Variants in WDR33 observed in about 807,000 individuals in gnomAD.
The protein encoded by WDR33 is pre-mRNA 3' end processing protein WDR33.
A neutral mutation model predicts 164.9 loss-of-function variants in WDR33; 47 were observed. The ratio of observed to expected loss-of-function variants is 0.29; its 90% CI spans 0.23 to 0.36. WDR33 has a LOEUF of 0.36. Ranked by LOEUF, WDR33 falls within the 10% of genes least tolerant of loss-of-function variation. WDR33 has a pLI of 1.00. For missense variants in WDR33, 1,137 were observed against 1,754.1 expected (o/e 0.65, Z 6.28); for synonymous variants, 505 against 589.0 (o/e 0.86, Z 2.06).
At chr2:127,810,386 A>G (rs1216409259) in intron 1 of WDR33, among the ~76,000 whole-genome samples, 1 of 152,228 alleles carries the variant, frequency 6.6e-6, no homozygotes, top group African/African-American at 2.4e-5. Flanking sequence ...GTTACAACCA[A>G]GTACAAACAT....
chr2:127,736,478 A>C (rs1686846568), intron 7 of WDR33: 1 of 985,466 alleles, frequency 1.0e-6, no homozygotes, highest in Non-Finnish European at 1.2e-6. Flanking sequence ...ACCAATACAC[A>C]AACATAAAAA....
intron 7 of WDR33, among the ~76,000 whole-genome samples, chr2:127,750,650 T>TAAAAA (rs1174539929): frequency 1.3e-4 from 2 of 14,962 alleles, no homozygotes; most frequent in Non-Finnish European, 2.3e-4. Flanking sequence ...AACTCCATCT[T>TAAAAA]AAAAAAAAAA....
At chr2:127,777,980 G>A (rs1688240086) in intron 1 of WDR33, among the ~76,000 whole-genome samples, 1 of 152,124 alleles carries the variant, frequency 6.6e-6, no homozygotes, top group Non-Finnish European at 1.5e-5. Flanking sequence ...TGATGATACT[G>A]AAATTATAGC....
rs762508503 is a variant in WDR33 at position 127,719,654 on chromosome 2, G to A, written c.2371C>T (p.Arg791Trp). 9 of 1,613,042 alleles carry A rather than the reference G, an allele frequency of 5.6e-6. No homozygotes were observed. The highest frequency in any genetic ancestry group is 5.0e-5 in the Admixed American group (3 of 59,870). ...PRGMQGPPGP[R>W]ENQGPAPQGM... ...TGGGGAGCAGGACCCTGGTTCTCCC[G>A]GGGGCCTGGAGGCCCCTGCATTCCT... The change falls in exon 16 of 22, where the codon CGG becomes TGG. Residue 791 changes from arginine to tryptophan, a missense_variant. Coordinates refer to ENST00000322313, the MANE Select transcript of WDR33 (RefSeq NM_018383.5). The surrounding 1 kb of genome is among the most constrained non-coding windows in gnomAD (Gnocchi z 6.5).
chr2:127,781,891 G>C (rs1159071094), intron 1 of WDR33, among the ~76,000 whole-genome samples: 1 of 151,640 alleles, frequency 6.6e-6, no homozygotes, highest in Non-Finnish European at 1.5e-5. Context: ...TCAGCTACTC[G>C]GGAGGCTGAG....
intron 7 of WDR33, among the ~76,000 whole-genome samples, chr2:127,744,916 T>C (rs1687122771): frequency 6.6e-6 from 1 of 152,204 alleles, no homozygotes. Flanking sequence ...CCTTTCACCA[T>C]GCATGACTGA....
Position 127,717,158 on chromosome 2 carries a change from T to C in WDR33, c.2866A>G (p.Lys956Glu). Residue 956 changes from lysine (K) to glutamate (E), a missense_variant, in exon 17 of 22, where the codon AAA (lysine) becomes GAA (glutamate). Physicochemically the swap from Lys to Glu is moderately conservative, Grantham distance 56. This residue lies in a region of WDR33 where 867 missense variants were observed against 1,073.0 expected (regional missense o/e 0.81). Coordinates refer to ENST00000322313, the MANE Select transcript of WDR33 (RefSeq NM_018383.5). This position sits in a 1 kb window ranked among gnomAD's most constrained non-coding sequence, Gnocchi z 5.6. ...LNPGQGPGPN[K>E]GDSRGPPNHH... ...ATTCAGCTGAGCAGATATTTACCTT[T>C]GTTGGGGCCAGGTCCTTGTCCGGGG... The C allele has an allele frequency of 6.2e-7, 1 of 1,601,578 alleles. No individual in the cohort carries two copies. Among genetic ancestry groups the C allele is most frequent in the Non-Finnish European group, 8.5e-7 (1 of 1,173,028 alleles).
rs1012276254 is a variant in WDR33, at chr2:127,710,817, A to T, written c.3309-961T>A. On this transcript the variant is annotated intron_variant, in intron 18 of 21. Transcript: ENST00000322313. The surrounding 1 kb of genome is among the most constrained non-coding windows in gnomAD (Gnocchi z 4.4). Reference sequence around the variant, plus strand: ...TTTCCATTCCATTGCCTTTATCCTAATCTTCTACTTGGAAGATTTTCAAAC... The same window carrying T: ...TTTCCATTCCATTGCCTTTATCCTATTCTTCTACTTGGAAGATTTTCAAAC... 6.6e-6 allele frequency among the ~76,000 whole-genome samples: 1 copy of T among 152,102 alleles called. No individual in the cohort carries two copies. Among genetic ancestry groups the T allele is most frequent in the East Asian group, 1.9e-4 (1 of 5,188 alleles).
rs1272933466 is a variant in WDR33 at position 127,726,388 on chromosome 2, C to T, written c.851+263G>A. On this transcript the variant is annotated intron_variant, in intron 8 of 21. Coordinates refer to ENST00000322313, the MANE Select transcript of WDR33 (RefSeq NM_018383.5). The surrounding 1 kb of genome is among the most constrained non-coding windows in gnomAD (Gnocchi z 4.8). ...AGGCAATAGGCTAGAATAGTAACCA[C>T]CTCCCTCCTCATCCTCCTCCCCACC... is the stretch of plus-strand genomic sequence containing the variant. 2.0e-5 allele frequency among the ~76,000 whole-genome samples: 3 copies of T among 152,122 alleles called. No homozygotes were observed. The highest frequency in any genetic ancestry group is 1.5e-5 in the Non-Finnish European group (1 of 68,020).
chr2:127,808,723 C>T (rs1689523223), intron 1 of WDR33, among the ~76,000 whole-genome samples: 1 of 151,490 alleles, frequency 6.6e-6, no homozygotes. Context: ...GGTGAAACCC[C>T]GCCTCTACTA....
intron 1 of WDR33, among the ~76,000 whole-genome samples, chr2:127,801,178 G>C (rs775773967): frequency 9.9e-5 from 15 of 152,012 alleles, no homozygotes; most frequent in Non-Finnish European, 1.6e-4. Context: ...CAGCCGCTCG[G>C]GAGGCTAAGG....
At chr2:127,755,330 C>T (rs765896349) in intron 7 of WDR33, among the ~76,000 whole-genome samples, 19 of 152,148 alleles carry the variant, frequency 1.2e-4, no homozygotes, top group Non-Finnish European at 2.4e-4. Context: ...AAGAATCTTA[C>T]AGCACTCTCT....
At position 127,750,095 on chromosome 2, in the gene WDR33, C is replaced by T. The variant is rs1687277985; in HGVS notation, c.724+12967G>A. 3.9e-5 allele frequency among the ~76,000 whole-genome samples: 6 copies of T among 152,108 alleles called. No homozygotes were observed. The South Asian group carries it at 1.2e-3, about 32-fold the overall frequency. ...CTTGAGTGCAGTGGCGAAATCTTGG[C>T]TCACTGCAGCCTCAGATTTCCCAGG... On this transcript the variant is annotated intron_variant, in intron 7 of 21. Coordinates refer to ENST00000322313, the MANE Select transcript of WDR33 (RefSeq NM_018383.5).
In WDR33 at chr2:127,726,774, T is replaced by C. The variant is rs1686581426; in HGVS notation, c.728A>G (p.His243Arg). 6.2e-7 allele frequency: 1 copy of C among 1,613,848 alleles called. No homozygotes were observed. The highest frequency in any genetic ancestry group is 1.7e-5 in the Admixed American group (1 of 59,934). Reference sequence around the variant, plus strand: ...GTCTACACATTTCACATCAGCACCATGCCCTGTCGGAAACAAGTTAGGATT... The same window carrying C: ...GTCTACACATTTCACATCAGCACCACGCCCTGTCGGAAACAAGTTAGGATT... ...RCHEERILRG[H>R]GADVKCVDWH... is the part of the protein sequence containing the mutation. Residue 243 changes from histidine (H) to arginine (R), a missense_variant, in exon 8 of 22, where the codon CAT (histidine) becomes CGT (arginine). By Grantham distance (29) the His-to-Arg change is conservative. Transcript: ENST00000322313. This position sits in a 1 kb window ranked among gnomAD's most constrained non-coding sequence, Gnocchi z 4.8.
Position 127,701,320 on chromosome 2 carries a change from C to T in WDR33, c.*5003G>A, listed in dbSNP as rs1685870959. On this transcript the variant is annotated 3_prime_UTR_variant, in exon 22 of 22. Coordinates refer to ENST00000322313, the MANE Select transcript of WDR33 (RefSeq NM_018383.5). ...GGAAGAGGGTCAGGCGCTGGGAGGG[C>T]GACTGCAAGCGGACAGGCAGCACCT... 2.6e-6 allele frequency: 1 copy of T among 386,944 alleles called. No homozygotes were observed. Among genetic ancestry groups the T allele is most frequent in the African/African-American group, 2.1e-5 (1 of 47,878 alleles). 24.0% of individuals were successfully genotyped at this position (386,944 alleles called of 1,614,324 possible). A position where few individuals can be genotyped will look rare whatever the true frequency, so the allele number is the denominator to read the frequency against.
At chr2:127,751,297 G>C (rs1302652113) in intron 7 of WDR33, among the ~76,000 whole-genome samples, 3 of 151,716 alleles carry the variant, frequency 2.0e-5, no homozygotes, top group Admixed American at 2.0e-4. Flanking sequence ...GCAGGTGGAG[G>C]CTGCGGTAAG....
Position 127,708,774 on chromosome 2 carries a change from T to C in WDR33, c.3684A>G (p.Leu1228=), listed in dbSNP as rs147059288. 123 of 1,613,364 alleles carry C rather than the reference T, an allele frequency of 7.6e-5. 3 individuals carry two copies. Among genetic ancestry groups the C allele is most frequent in the Non-Finnish European group, 5.6e-5 (66 of 1,179,826 alleles). Residue 1228 remains leucine, a synonymous_variant, in exon 21 of 22, where the codon CTA becomes CTG. Transcript: ENST00000322313. This position sits in a 1 kb window ranked among gnomAD's most constrained non-coding sequence, Gnocchi z 6.7. ...CATGCCAGGGGCGCTTTCGGGGAGGTAGGGATGCCATGTCCATGCCTTGGA... is the reference window on the plus strand; with the variant it reads ...CATGCCAGGGGCGCTTTCGGGGAGGCAGGGATGCCATGTCCATGCCTTGGA... ...SSLQGMDMAS[L]PPRKRPWHDG...
At chr2:127,737,956 AC>A in intron 7 of WDR33, 1 of 1,603,762 alleles carries the variant, frequency 6.2e-7, no homozygotes. Context: ...GGGTATATTC[AC>A]AGAAGTTGGT....
At chr2:127,768,830 G>A in intron 3 of WDR33, 103 bp downstream of exon 3, 1 of 715,642 alleles carries the variant, frequency 1.4e-6, no homozygotes, top group Non-Finnish European at 2.3e-6. Flanking sequence ...TTATAAAAAT[G>A]TAAAAAGAAA....
Sources: gnomAD v4.1 joint callset for allele counts (sites outside exome capture counted in the v4.1 genomes callset) on GRCh38, gnomAD v4.1.1 for gene constraint, gnomAD v4.1.1 regional missense constraint, Gnocchi (gnomAD v3.1) non-coding constraint, MANE v1.5 for transcripts, NCBI Gene and HGNC (gene_info 2026-07-23, HGNC 2026-07-21) for gene names.